Variants in ADAM20 observed in about 807,000 individuals in gnomAD.
The protein encoded by ADAM20 is disintegrin and metalloproteinase domain-containing protein 20.
For synonymous variants in ADAM20, 305 were observed against 310.2 expected (o/e 0.98, Z 0.18); for missense variants, 871 against 883.2 (o/e 0.99, Z 0.18).
chr14:70,553,500 C>T, the ADAM20 span, among the ~76,000 whole-genome samples: 6 of 130,660 alleles, frequency 4.6e-5, no homozygotes, highest in East Asian at 8.5e-4. Context: ...GCCAATAACG[C>T]TAATCAATAT....
chr14:70,575,031 G>C, the ADAM20 span, among the ~76,000 whole-genome samples: 5 of 151,926 alleles, frequency 3.3e-5, no homozygotes, highest in Admixed American at 6.6e-5. Context: ...AGTTGCCAGA[G>C]GATAGAGGGG....
the ADAM20 span, among the ~76,000 whole-genome samples, chr14:70,545,139 GATC>G: frequency 2.0e-4 from 30 of 152,308 alleles, no homozygotes; most frequent in African/African-American, 6.5e-4. Flanking sequence ...AAGCTCCACT[GATC>G]ATCCCCACTG....
At chr14:70,565,723 G>T in the ADAM20 span, among the ~76,000 whole-genome samples, 1 of 152,190 alleles carries the variant, frequency 6.6e-6, no homozygotes, top group Non-Finnish European at 1.5e-5. Context: ...AATATAGTTA[G>T]AACAAATATT....
chr14:70,542,938 CAA>C, the ADAM20 span, among the ~76,000 whole-genome samples: 14 of 122,816 alleles, frequency 1.1e-4, no homozygotes, highest in Admixed American at 1.6e-4. Context: ...GACTCCATCT[CAA>C]AAAAAAAAAA....
chr14:70,523,652 T>C lies in ADAM20; in HGVS notation c.1106A>G (p.Tyr369Cys), dbSNP rs761739177. 10 of 1,613,956 alleles carry C rather than the reference T, an allele frequency of 6.2e-6. No individual in the cohort carries two copies. Among genetic ancestry groups the C allele is most frequent in the South Asian group, 2.2e-5 (2 of 91,090 alleles). ...GCTAAATTTAGTTGTCACCTTTCTA[T>C]AGGCATGCATTATGCACCACTGTAG... ...CELQWCIMHA[Y>C]RKVTTKFSNC... The change falls in exon 2 of 2, where the codon TAT (tyrosine) becomes TGT (cysteine). Residue 369 changes from tyrosine to cysteine, a missense_variant. By Grantham distance (194) the Tyr-to-Cys change is radical. Coordinates refer to ENST00000256389, the MANE Select transcript of ADAM20 (RefSeq NM_003814.5).
chr14:70,562,433 T>A, the ADAM20 span, among the ~76,000 whole-genome samples: 1 of 152,216 alleles, frequency 6.6e-6, no homozygotes, highest in Non-Finnish European at 1.5e-5. Flanking sequence ...TTTGAGTTAA[T>A]GCTGAAATGA....
chr14:70,568,999 C>CA, the ADAM20 span, among the ~76,000 whole-genome samples: 44 of 150,224 alleles, frequency 2.9e-4, no homozygotes, highest in African/African-American at 6.8e-4. Context: ...AAGGTTAATA[C>CA]AAAAAAAAAC....
At chr14:70,565,740 G>A in the ADAM20 span, among the ~76,000 whole-genome samples, 1 of 152,142 alleles carries the variant, frequency 6.6e-6, no homozygotes, top group East Asian at 1.9e-4. Flanking sequence ...TATTTATGTT[G>A]CATTTACATT....
At chr14:70,575,170 T>G in the ADAM20 span, among the ~76,000 whole-genome samples, 1 of 150,086 alleles carries the variant, frequency 6.7e-6, no homozygotes, top group Non-Finnish European at 1.5e-5. Context: ...TTAAAATATA[T>G]GTATGTATAT....
chr14:70,574,035 A>G, the ADAM20 span, among the ~76,000 whole-genome samples: 1 of 152,254 alleles, frequency 6.6e-6, no homozygotes, highest in African/African-American at 2.4e-5. Context: ...CAGATTATAT[A>G]CAGAACAGTC....
At position 70,523,130 on chromosome 14, in the gene ADAM20, T is replaced by A. The variant is rs373281157; in HGVS notation, c.1628A>T (p.His543Leu). ...ATATGTTGTGCCTACAATACCACAG[T>A]GACCGAAACGGTTTCCTTGGGTGTT... ...EINTQGNRFGHCGIVGTTYVK... is the reference protein window; with the variant it reads ...EINTQGNRFGLCGIVGTTYVK... Residue 543 changes from histidine (H) to leucine (L), a missense_variant, in exon 2 of 2, where the codon CAC becomes CTC. By Grantham distance (99) the His-to-Leu change is moderately conservative (BLOSUM62 -3). Transcript: ENST00000256389. The A allele has an allele frequency of 6.2e-7, 1 of 1,614,032 alleles. No homozygotes were observed. Among genetic ancestry groups the A allele is most frequent in the Non-Finnish European group, 8.5e-7 (1 of 1,179,950 alleles).
chr14:70,561,966 T>G, the ADAM20 span, among the ~76,000 whole-genome samples: 1 of 151,906 alleles, frequency 6.6e-6, no homozygotes, highest in Non-Finnish European at 1.5e-5. Context: ...CCACATAGAG[T>G]CCCCACTGGG....
At position 70,534,045 on chromosome 14, in the gene ADAM20, C is replaced by T. The variant is rs1359399338; in HGVS notation, c.-177+752G>A. On this transcript the variant is annotated intron_variant, in intron 1 of 1. Transcript: ENST00000256389. The stretch of plus-strand genomic sequence containing the variant: ...TTGCAGTGAGCCAAGATTGGGCCAC[C>T]GTACTCTAGTCTGGGCGAGAGAGCA... Among the ~76,000 whole-genome samples, 12 of 134,094 alleles carry T rather than the reference C, an allele frequency of 8.9e-5. No individual in the cohort carries two copies. The East Asian group carries it at 9.2e-4, about 10-fold the overall frequency. 88.0% of individuals were successfully genotyped at this position (134,094 alleles called of 152,430 possible).
chr14:70,536,944 CAA>C (rs577264085), upstream of ADAM20, among the ~76,000 whole-genome samples: 18,644 of 125,232 alleles, frequency 0.15, 1,255 homozygotes, highest in Middle Eastern at 0.22. Context: ...CACTCCTAAC[CAA>C]AAAAAAAAAA....
At chr14:70,572,843 C>T in the ADAM20 span, among the ~76,000 whole-genome samples, 1 of 152,028 alleles carries the variant, frequency 6.6e-6, no homozygotes, top group East Asian at 1.9e-4. Flanking sequence ...TGCTCAACAT[C>T]ACTAATCATC....
At chr14:70,577,033 C>T in the ADAM20 span, among the ~76,000 whole-genome samples, 1 of 152,248 alleles carries the variant, frequency 6.6e-6, no homozygotes, top group Non-Finnish European at 1.5e-5. Flanking sequence ...CAAGAACAAG[C>T]ATTCAAACAC....
intron 1 of ADAM20, among the ~76,000 whole-genome samples, chr14:70,531,298 A>G (rs1883706267): frequency 6.6e-6 from 1 of 152,314 alleles, no homozygotes; most frequent in South Asian, 2.1e-4. Flanking sequence ...AGCATTTGAC[A>G]AAATCCAACA....
At chr14:70,552,965 A>G in the ADAM20 span, among the ~76,000 whole-genome samples, 1 of 57,190 alleles carries the variant, frequency 1.7e-5, no homozygotes, top group Non-Finnish European at 3.3e-5. Flanking sequence ...CACACCATGG[A>G]ATACTATGCA....
chr14:70,529,104 C>T (rs1883654487), intron 1 of ADAM20, among the ~76,000 whole-genome samples: 1 of 152,074 alleles, frequency 6.6e-6, no homozygotes, highest in African/African-American at 2.4e-5. Context: ...TTTTGATACC[C>T]TATTTTCAAT....
Sources: allele counts gnomAD v4.1 joint callset (sites outside exome capture counted in the v4.1 genomes callset), GRCh38; gene constraint gnomAD v4.1.1; transcripts MANE v1.5; gene names NCBI Gene and HGNC (gene_info 2026-07-23, HGNC 2026-07-21).